Variants in QKI observed in about 807,000 individuals in gnomAD.
The protein encoded by QKI is QKI, KH domain containing RNA binding, also known as KH domain-containing RNA-binding protein QKI.
Under a neutral mutation model 39.0 loss-of-function variants are expected in QKI, and 10 were observed. That is an observed-to-expected ratio of 0.26 (90% confidence interval 0.16 to 0.43). QKI has a LOEUF of 0.43. QKI is among the 20% of genes least tolerant of loss of function. The probability of loss-of-function intolerance (pLI) is 1.00; values close to 1 mark genes in which losing one functional copy is unlikely to be tolerated. For synonymous variants in QKI, 204 were observed against 155.4 expected (o/e 1.31, Z -2.33); for missense variants, 218 against 428.0 (o/e 0.51, Z 4.33).
chr6:163,448,973 C>A (rs1305682004), intron 1 of QKI, among the ~76,000 whole-genome samples: 1 of 151,994 alleles, frequency 6.6e-6, no homozygotes, highest in Non-Finnish European at 1.5e-5. Context: ...GGTTACACAC[C>A]AGCCACCTCT....
intron 3 of QKI, among the ~76,000 whole-genome samples, chr6:163,482,430 A>C (rs1793143644): frequency 6.6e-6 from 1 of 152,146 alleles, no homozygotes; most frequent in Non-Finnish European, 1.5e-5. Flanking sequence ...CCTCTAATTC[A>C]GTTCAAAACT....
chr6:163,525,114 C>T (rs1041519965), intron 3 of QKI, among the ~76,000 whole-genome samples: 3 of 152,142 alleles, frequency 2.0e-5, no homozygotes, highest in Non-Finnish European at 4.4e-5. Flanking sequence ...TGTTTTGAAT[C>T]TCTGGGATTT....
chr6:163,546,887 A>G (rs1781914677), intron 4 of QKI, among the ~76,000 whole-genome samples: 1 of 152,132 alleles, frequency 6.6e-6, no homozygotes, highest in Non-Finnish European at 1.5e-5. Flanking sequence ...AATTATATAA[A>G]TAAGTAGATG....
At chr6:163,488,542 A>T (rs1484506180) in intron 3 of QKI, among the ~76,000 whole-genome samples, 1 of 152,126 alleles carries the variant, frequency 6.6e-6, no homozygotes, top group Non-Finnish European at 1.5e-5. Flanking sequence ...AGTGACACAA[A>T]ATAATGATTC....
intron 2 of QKI, among the ~76,000 whole-genome samples, chr6:163,470,220 G>T (rs1243810653): frequency 6.6e-6 from 1 of 152,078 alleles, no homozygotes; most frequent in African/African-American, 2.4e-5. Context: ...GATAGCGTTT[G>T]GAGTCTATAA....
chr6:163,479,112 C>T (rs544668681), intron 3 of QKI, among the ~76,000 whole-genome samples: 1 of 95,772 alleles, frequency 1.0e-5, no homozygotes, highest in East Asian at 4.2e-4. Flanking sequence ...ATGGTGAAAC[C>T]CTGTCTTTAC....
intron 7 of QKI, 59 bp downstream of exon 7, chr6:163,566,854 G>T (rs1384004023): frequency 6.9e-6 from 11 of 1,591,012 alleles, no homozygotes; most frequent in Non-Finnish European, 9.4e-6. Context: ...CATAAAATTT[G>T]CAACACCACA....
chr6:163,493,853 A>ATAGTCAAAAATG (rs1391425470), intron 3 of QKI, among the ~76,000 whole-genome samples: 3 of 151,782 alleles, frequency 2.0e-5, no homozygotes, highest in Non-Finnish European at 3.0e-5. Context: ...GGACAAAAAT[A>ATAGTCAAAAATG]TAGACAAAAA....
intron 1 of QKI, among the ~76,000 whole-genome samples, chr6:163,451,316 T>A (rs1163667099): frequency 6.6e-6 from 1 of 152,212 alleles, no homozygotes; most frequent in Non-Finnish European, 1.5e-5. Flanking sequence ...ATAGCTTCAG[T>A]TGGCTTATCC....
chr6:163,473,599 A>C (rs1026908458), intron 2 of QKI, among the ~76,000 whole-genome samples: 2 of 152,196 alleles, frequency 1.3e-5, no homozygotes, highest in African/African-American at 4.8e-5. Flanking sequence ...TAAATTAGGC[A>C]TCTATTTTAA....
intron 2 of QKI, among the ~76,000 whole-genome samples, chr6:163,470,044 T>C (rs1360820416): frequency 6.6e-6 from 1 of 152,124 alleles, no homozygotes; most frequent in Admixed American, 6.6e-5. Context: ...AAAAAATAAC[T>C]GAACACATCA....
chr6:163,447,249 A>ATTT lies in QKI; in HGVS notation c.143-8012_143-8010dup, dbSNP rs4038332. ...TTTACATATTTATGAGGTGCACGTG[A>ATTT]TTTTTTTTTTTTTTTTTTTTGCTAC... On this transcript the variant is annotated intron_variant, in intron 1 of 7. Coordinates refer to ENST00000361752, the MANE Select transcript of QKI (RefSeq NM_006775.3). Among the ~76,000 whole-genome samples the ATTT allele has an allele frequency of 6.9e-3, 835 of 120,154 alleles. 9 individuals carry two copies. The highest frequency in any genetic ancestry group is 0.01 in the Non-Finnish European group (582 of 57,632). 78.8% of individuals were successfully genotyped at this position (120,154 alleles called of 152,430 possible). A position where few individuals can be genotyped will look rare whatever the true frequency, so the allele number is the denominator to read the frequency against.
In QKI at chr6:163,452,329, A is replaced by G. The variant is rs148574862; in HGVS notation, c.143-2950A>G. Among the ~76,000 whole-genome samples the G allele has an allele frequency of 3.3e-5, 5 of 152,246 alleles. No individual in the cohort carries two copies. The East Asian group carries it at 5.8e-4, about 18-fold the overall frequency. ...TCTTAGTTACCTTTTCATTCCCATC[A>G]TTACTATCTTATACATTAATTTGTG... On this transcript the variant is annotated intron_variant, in intron 1 of 7. Coordinates refer to ENST00000361752, the MANE Select transcript of QKI (RefSeq NM_006775.3).
At chr6:163,513,233 G>A (rs1032697014) in intron 3 of QKI, among the ~76,000 whole-genome samples, 2 of 152,118 alleles carry the variant, frequency 1.3e-5, no homozygotes, top group Non-Finnish European at 2.9e-5. Context: ...AGAGGAGGAC[G>A]ACTATATTGA....
chr6:163,488,973 C>CTTTTTTTT (rs767477914), intron 3 of QKI, among the ~76,000 whole-genome samples: 2 of 122,116 alleles, frequency 1.6e-5, no homozygotes, highest in Admixed American at 1.6e-4. Flanking sequence ...CCTTCCATTT[C>CTTTTTTTT]TTTTTTTTTT....
intron 2 of QKI, among the ~76,000 whole-genome samples, chr6:163,461,400 TATAA>T (rs1466363374): frequency 6.6e-6 from 1 of 152,222 alleles, no homozygotes; most frequent in Non-Finnish European, 1.5e-5. Context: ...CACTTTCTTT[TATAA>T]ATAATATATT....
chr6:163,518,800 G>A (rs897968527), intron 3 of QKI, among the ~76,000 whole-genome samples: 4 of 152,072 alleles, frequency 2.6e-5, no homozygotes, highest in Admixed American at 6.6e-5. Flanking sequence ...TACTCTTTCA[G>A]CATGATTTAC....
At chr6:163,426,558 C>T (rs951713115) in intron 1 of QKI, among the ~76,000 whole-genome samples, 5 of 152,018 alleles carry the variant, frequency 3.3e-5, no homozygotes, top group South Asian at 4.1e-4. Context: ...GGTGCCCCAT[C>T]GACCAAAGGT....
chr6:163,474,283 T>A (rs1033581970), intron 2 of QKI, among the ~76,000 whole-genome samples: 19 of 152,264 alleles, frequency 1.2e-4, no homozygotes, highest in African/African-American at 4.6e-4. Context: ...GACACACTTT[T>A]ATTTGGCTTT....
Sources: gnomAD v4.1 joint callset for allele counts (sites outside exome capture counted in the v4.1 genomes callset) on GRCh38, gnomAD v4.1.1 for gene constraint, MANE v1.5 for transcripts, NCBI Gene and HGNC (gene_info 2026-07-23, HGNC 2026-07-21) for gene names.